IL11: variants seen among roughly 807,000 people sequenced by gnomAD.
IL11 encodes interleukin 11.
A neutral mutation model predicts 18.1 loss-of-function variants in IL11; 17 were observed. The ratio of observed to expected loss-of-function variants is 0.94; its 90% CI spans 0.64 to 1.41. The LOEUF (loss-of-function observed/expected upper bound fraction) is 1.41. Among genes scored for constraint, IL11 ranks in the 40% most tolerant of loss-of-function variants. IL11 has a pLI of 0.00. For missense variants in IL11, 309 were observed against 262.8 expected (o/e 1.18, Z -1.22); for synonymous variants, 144 against 134.1 (o/e 1.07, Z -0.51).
rs1312063678 is a variant in IL11, at chr19:55,368,566, C to T, written c.184G>A (p.Asp62Asn). 4 of 1,610,808 alleles carry T rather than the reference C, an allele frequency of 2.5e-6. No individual in the cohort carries two copies. The Admixed American group carries it at 5.0e-5, about 20-fold the overall frequency. ...DTRQLAAQLR[D>N]KFPADGDHNL... Reference sequence around the variant, plus strand: ...TGGTCCCCGTCAGCTGGGAATTTGTCCCTCTGGCAGGGAAAAAAGCTGTGA... The same window carrying T: ...TGGTCCCCGTCAGCTGGGAATTTGTTCCTCTGGCAGGGAAAAAAGCTGTGA... Residue 62 changes from aspartate (D) to asparagine (N), a missense_variant, in exon 3 of 5, where the codon GAC becomes AAC. Physicochemically the swap from Asp to Asn is conservative, Grantham distance 23. Coordinates refer to ENST00000264563, the MANE Select transcript of IL11 (RefSeq NM_000641.4).
At position 55,366,069 on chromosome 19, in the gene IL11, C is replaced by T. The variant is rs779069587; in HGVS notation, c.538G>A (p.Gly180Arg). ...GIRAAHAILG[G>R]LHLTLDWAVR... Reference sequence around the variant, plus strand: ...GCCCAGTCAAGTGTCAGGTGCAGCCCCCCCAGGATGGCGTGGGCGGCCCTG... The same window carrying T: ...GCCCAGTCAAGTGTCAGGTGCAGCCTCCCCAGGATGGCGTGGGCGGCCCTG... Residue 180 changes from glycine (G) to arginine (R), a missense_variant, in exon 5 of 5, where the codon GGG (glycine) becomes AGG (arginine). By Grantham distance (125) the Gly-to-Arg change is moderately radical. Coordinates refer to ENST00000264563, the MANE Select transcript of IL11 (RefSeq NM_000641.4). This position sits in a 1 kb window ranked among gnomAD's most constrained non-coding sequence, Gnocchi z 4.6. 6 of 1,599,406 alleles carry T rather than the reference C, an allele frequency of 3.8e-6. No homozygotes were observed. Among genetic ancestry groups the T allele is most frequent in the Middle Eastern group, 1.8e-4 (1 of 5,622 alleles).
chr19:55,367,440 T>C (rs1249770949), intron 4 of IL11, among the ~76,000 whole-genome samples: 2 of 141,666 alleles, frequency 1.4e-5, no homozygotes, highest in Non-Finnish European at 3.0e-5. Flanking sequence ...TCCATGGTTT[T>C]CTTTTCCTTC....
In IL11 at chr19:55,368,869, C is replaced by G; in HGVS notation, c.80G>C (p.Gly27Ala). ...AGGGTCTGGGGAAACTCGAGGGGGG[C>G]CAGGTGGTGGCCCAGGGGCGACAGC... is the stretch of plus-strand genomic sequence containing the variant. ...DTAVAPGPPP[G>A]PPRVSPDPRA... Residue 27 changes from glycine to alanine, a missense_variant, in exon 2 of 5, where the codon GGC becomes GCC. Transcript: ENST00000264563. 1 of 1,574,734 alleles carries G rather than the reference C, an allele frequency of 6.4e-7. No individual in the cohort carries two copies. Among genetic ancestry groups the G allele is most frequent in the Non-Finnish European group, 8.6e-7 (1 of 1,160,076 alleles).
chr19:55,366,294 C>T lies in IL11; in HGVS notation c.430-117G>A, dbSNP rs2089785710. ...GCATATTCACAGGGGGACTGTGGCG[C>T]GTGGGGTGAAGTGTTTAGGCCGGGA... On this transcript the variant is annotated intron_variant, in intron 4 of 4. Transcript: ENST00000264563. The surrounding 1 kb of genome is among the most constrained non-coding windows in gnomAD (Gnocchi z 4.6). 1.9e-5 allele frequency: 21 copies of T among 1,090,832 alleles called. No homozygotes were observed. The highest frequency in any genetic ancestry group is 2.5e-5 in the Non-Finnish European group (20 of 800,726). 67.6% of individuals were successfully genotyped at this position (1,090,832 alleles called of 1,614,324 possible).
rs1174169570 is a variant in IL11, at chr19:55,368,554, C to T, written c.196G>A (p.Ala66Thr). ...LAAQLRDKFP[A>T]DGDHNLDSLP... is the part of the protein sequence containing the mutation. ...GAATCCAGGTTGTGGTCCCCGTCAGCTGGGAATTTGTCCCTCTGGCAGGGA... is the reference window on the plus strand; with the variant it reads ...GAATCCAGGTTGTGGTCCCCGTCAGTTGGGAATTTGTCCCTCTGGCAGGGA... The change falls in exon 3 of 5, where the codon GCT (alanine) becomes ACT (threonine). Residue 66 changes from alanine to threonine, a missense_variant. Ala to Thr is a moderately conservative substitution (Grantham distance 58). Transcript: ENST00000264563. 6.2e-7 allele frequency: 1 copy of T among 1,612,308 alleles called. No homozygotes were observed.
Position 55,369,769 on chromosome 19 carries a change from C to A in IL11, c.7+535G>T, listed in dbSNP as rs2089810938. ...ACACCCCCAGCCCGCCCCCCGGGCC[C>A]GCCAGCCGTCGGTCTGTCCGCGCCT... On this transcript the variant is annotated intron_variant, in intron 1 of 4. Transcript: ENST00000264563. The surrounding 1 kb of genome is among the most constrained non-coding windows in gnomAD (Gnocchi z 6.1). Among the ~76,000 whole-genome samples the A allele has an allele frequency of 6.6e-6, 1 of 150,736 alleles. No homozygotes were observed. Among genetic ancestry groups the A allele is most frequent in the African/African-American group, 2.4e-5 (1 of 41,214 alleles).
chr19:55,368,053 G>A (rs1269026524), intron 4 of IL11, among the ~76,000 whole-genome samples, 157 bp downstream of exon 4: 6 of 151,512 alleles, frequency 4.0e-5, no homozygotes, highest in African/African-American at 1.2e-4. Flanking sequence ...GGGCTGTTAC[G>A]GTGTCAGGGT....
At position 55,368,476 on chromosome 19, in the gene IL11, C is replaced by T. The variant is rs760951160; in HGVS notation, c.267+7G>A. On this transcript the variant is annotated splice_region_variant and intron_variant, in intron 3 of 4. Transcript: ENST00000264563. ...ACCTTGTCCCCAGCCCACTCCCTTG[C>T]CCTTACCTGTAGAGCTCCCAGTGCC... 6.8e-6 allele frequency: 11 copies of T among 1,606,934 alleles called. No homozygotes were observed. The highest frequency in any genetic ancestry group is 9.4e-6 in the Non-Finnish European group (11 of 1,176,054).
rs368402118 is a variant in IL11, at chr19:55,368,918, C to G, written c.31G>C (p.Val11Leu). 3 of 1,535,684 alleles carry G rather than the reference C, an allele frequency of 2.0e-6. No homozygotes were observed. The highest frequency in any genetic ancestry group is 1.4e-5 in the African/African-American group (1 of 73,350). The change falls in exon 2 of 5, where the codon GTG becomes CTG. Residue 11 changes from valine (V) to leucine (L), a missense_variant. Physicochemically the swap from Val to Leu is conservative, Grantham distance 32. Coordinates refer to ENST00000264563, the MANE Select transcript of IL11 (RefSeq NM_000641.4). ...GCTGTATCTGGCCACAGGCTCAGCACGACCAGGACCAGGCGGCAAACACCT... is the reference window on the plus strand; with the variant it reads ...GCTGTATCTGGCCACAGGCTCAGCAGGACCAGGACCAGGCGGCAAACACCT... MNCVCRLVLV[V>L]LSLWPDTAVA...
intron 4 of IL11, among the ~76,000 whole-genome samples, chr19:55,367,008 GTCAGGCCCTGGATCTCAAGGC>G (rs2089789944): frequency 1.3e-5 from 2 of 152,066 alleles, no homozygotes; most frequent in South Asian, 4.1e-4. Context: ...CGAGTCTAGG[GTCAGGCCCTGGATCTCAAGGC>G]TGAAGTCTTA....
At chr19:55,370,032 T>C (rs2089812868) in intron 1 of IL11, among the ~76,000 whole-genome samples, 1 of 152,026 alleles carries the variant, frequency 6.6e-6, no homozygotes, top group Non-Finnish European at 1.5e-5. Flanking sequence ...TCCCTGCCCC[T>C]GCTCGGTCTC....
intron 1 of IL11, among the ~76,000 whole-genome samples, chr19:55,370,102 G>A (rs2089813428): frequency 6.6e-6 from 1 of 152,054 alleles, no homozygotes; most frequent in African/African-American, 2.4e-5. Context: ...GCCTCTGATT[G>A]GCTGCCTCCA....
chr19:55,368,918 C>A lies in IL11; in HGVS notation c.31G>T (p.Val11Leu). 1 of 1,535,682 alleles carries A rather than the reference C, an allele frequency of 6.5e-7. No homozygotes were observed. Among genetic ancestry groups the A allele is most frequent in the Non-Finnish European group, 8.8e-7 (1 of 1,137,354 alleles). ...GCTGTATCTGGCCACAGGCTCAGCACGACCAGGACCAGGCGGCAAACACCT... is the reference window on the plus strand; with the variant it reads ...GCTGTATCTGGCCACAGGCTCAGCAAGACCAGGACCAGGCGGCAAACACCT... Reference protein sequence around the residue: MNCVCRLVLVVLSLWPDTAVA... With the variant: MNCVCRLVLVLLSLWPDTAVA... Residue 11 changes from valine to leucine, a missense_variant, in exon 2 of 5, where the codon GTG becomes TTG. Transcript: ENST00000264563.
In IL11 at chr19:55,366,438, G is replaced by A. The variant is rs2089786642; in HGVS notation, c.430-261C>T. ...CAGGGCTGGCATCTCGGTTCTAGGT[G>A]AGGGATCGGGCCTGGGACTGTTAGA... On this transcript the variant is annotated intron_variant, in intron 4 of 4. Transcript: ENST00000264563. The surrounding 1 kb of genome is among the most constrained non-coding windows in gnomAD (Gnocchi z 4.6). Among the ~76,000 whole-genome samples the A allele has an allele frequency of 6.6e-6, 1 of 152,086 alleles. No homozygotes were observed. Among genetic ancestry groups the A allele is most frequent in the Admixed American group, 6.6e-5 (1 of 15,256 alleles).
Position 55,368,382 on chromosome 19 carries a change from A to G in IL11, c.268-11T>C. On this transcript the variant is annotated splice_polypyrimidine_tract_variant and intron_variant, in intron 3 of 4. Transcript: ENST00000264563. ...CAGCACACCTGGGAGCTGGGGATAG[A>G]GCCGGGACATCAGAGAACACCCGAC... 1 of 1,592,308 alleles carries G rather than the reference A, an allele frequency of 6.3e-7. No homozygotes were observed. The highest frequency in any genetic ancestry group is 8.6e-7 in the Non-Finnish European group (1 of 1,164,186).
Position 55,366,150 on chromosome 19 carries a change from G to A in IL11, c.457C>T (p.Pro153Ser), listed in dbSNP as rs772605494. The A allele has an allele frequency of 1.2e-4, 184 of 1,507,230 alleles. No homozygotes were observed. The highest frequency in any genetic ancestry group is 1.5e-4 in the East Asian group (6 of 40,564). 93.4% of individuals were successfully genotyped at this position (1,507,230 alleles called of 1,614,324 possible). ...LMSRLALPQP[P>S]PDPPAPPLAP... ...AGCGGGGGCGCCGGCGGGTCCGGGG[G>A]TGGCTGGGGCAGGGCCAGGCGGGAC... is the stretch of plus-strand genomic sequence containing the variant. The change falls in exon 5 of 5, where the codon CCC becomes TCC. Residue 153 changes from proline to serine, a missense_variant. Pro to Ser is a moderately conservative substitution (Grantham distance 74). Coordinates refer to ENST00000264563, the MANE Select transcript of IL11 (RefSeq NM_000641.4). The surrounding 1 kb of genome is among the most constrained non-coding windows in gnomAD (Gnocchi z 4.6).
rs1210841582 is a variant in IL11 at position 55,370,241 on chromosome 19, C to T, written c.7+63G>A. The T allele has an allele frequency of 5.4e-6, 7 of 1,293,236 alleles. No homozygotes were observed. In the Admixed American group the frequency reaches 8.1e-5, roughly 15 times the overall value. The allele number at this position is 1,293,236 out of a possible 1,614,324, so 80.1% of individuals were successfully genotyped here. ...ACTCAGCGGGGTCTGCTCCCACCCC[C>T]GCCGTGGGTCCCTCTCCTCCCTGCC... is the stretch of plus-strand genomic sequence containing the variant. On this transcript the variant is annotated intron_variant, in intron 1 of 4. Coordinates refer to ENST00000264563, the MANE Select transcript of IL11 (RefSeq NM_000641.4).
chr19:55,369,196 GT>G lies in IL11; in HGVS notation c.8-256del. The G allele has an allele frequency of 2.9e-6, 1 of 347,734 alleles. No homozygotes were observed. Among genetic ancestry groups the G allele is most frequent in the Admixed American group, 4.4e-5 (1 of 22,658 alleles). The allele number at this position is 347,734 out of a possible 1,614,324, so 21.5% of individuals were successfully genotyped here. A position where few individuals can be genotyped will look rare whatever the true frequency, so the allele number is the denominator to read the frequency against. On this transcript the variant is annotated intron_variant, in intron 1 of 4. Coordinates refer to ENST00000264563, the MANE Select transcript of IL11 (RefSeq NM_000641.4). This position sits in a 1 kb window ranked among gnomAD's most constrained non-coding sequence, Gnocchi z 6.1. ...GGGAGGATGGAGCTGGAGGTCTTAA[GT>G]CCCAGGGTGGAACGCCCGCGGGCAG...
At chr19:55,368,012 G>A (rs1341873428) in intron 4 of IL11, among the ~76,000 whole-genome samples, 198 bp downstream of exon 4, 1 of 151,954 alleles carries the variant, frequency 6.6e-6, no homozygotes, top group East Asian at 1.9e-4. Context: ...GGGTCTCAGA[G>A]CAGGACTGTT....
Sources: allele counts gnomAD v4.1 joint callset (sites outside exome capture counted in the v4.1 genomes callset), GRCh38; gene constraint gnomAD v4.1.1; non-coding constraint Gnocchi (gnomAD v3.1); transcripts MANE v1.5; gene names NCBI Gene and HGNC (gene_info 2026-07-23, HGNC 2026-07-21).